Variants in MCUB observed in about 807,000 individuals in gnomAD.
MCUB encodes calcium uniporter regulatory subunit MCUb, mitochondrial.
In MCUB, 46 loss-of-function variants were observed where a neutral mutation model predicts 41.4. The observed-to-expected ratio is 1.11, with a 90% CI of 0.88 to 1.42. MCUB has a LOEUF of 1.42. Among genes scored for constraint, MCUB ranks in the 40% most tolerant of loss-of-function variants. The pLI is 0.00. For missense variants in MCUB, 403 were observed against 404.9 expected (o/e 1.00, Z 0.04); for synonymous variants, 148 against 148.2 (o/e 1.00, Z 0.01).
intron 1 of MCUB, among the ~76,000 whole-genome samples, chr4:109,652,748 G>A (rs1036148215): frequency 2.0e-5 from 3 of 152,154 alleles, no homozygotes; most frequent in African/African-American, 4.8e-5. Flanking sequence ...ATGGACTCTG[G>A]GGGACACAAT....
chr4:109,611,373 T>C (rs1728004057), intron 1 of MCUB, among the ~76,000 whole-genome samples: 1 of 152,230 alleles, frequency 6.6e-6, no homozygotes, highest in Admixed American at 6.5e-5. Flanking sequence ...GACAAATGGC[T>C]ATAGAGCTAA....
At chr4:109,631,750 A>G (rs1430643814) in intron 1 of MCUB, among the ~76,000 whole-genome samples, 2 of 152,186 alleles carry the variant, frequency 1.3e-5, no homozygotes, top group African/African-American at 4.8e-5. Context: ...TGGTGGCAAC[A>G]GTAGATCGGT....
intron 1 of MCUB, among the ~76,000 whole-genome samples, chr4:109,621,147 C>T (rs1173244420): frequency 2.0e-5 from 3 of 152,164 alleles, no homozygotes; most frequent in African/African-American, 4.8e-5. Flanking sequence ...GATCCACCTG[C>T]CTTGCCCTCC....
intron 4 of MCUB, among the ~76,000 whole-genome samples, chr4:109,667,758 T>C (rs1420661052): frequency 1.3e-5 from 2 of 151,464 alleles, no homozygotes; most frequent in Admixed American, 1.3e-4. Flanking sequence ...ATCTTATAGA[T>C]GTTTATTCTT....
intron 5 of MCUB, among the ~76,000 whole-genome samples, chr4:109,683,486 A>G (rs1729763373): frequency 6.6e-6 from 1 of 152,192 alleles, no homozygotes; most frequent in African/African-American, 2.4e-5. Context: ...TTAAAATTTT[A>G]AAATCTAAAG....
chr4:109,618,974 C>G (rs1042413241), intron 1 of MCUB, among the ~76,000 whole-genome samples: 2 of 150,796 alleles, frequency 1.3e-5, no homozygotes, highest in African/African-American at 2.4e-5. Context: ...CTCTCTCTCT[C>G]TCTCTCTCTC....
intron 1 of MCUB, among the ~76,000 whole-genome samples, chr4:109,566,368 G>A (rs866775610): frequency 6.6e-6 from 1 of 151,498 alleles, no homozygotes; most frequent in Admixed American, 6.6e-5. Flanking sequence ...TACTCGGGAG[G>A]CTGAGGCAGG....
chr4:109,681,568 C>T (rs1201309034), intron 4 of MCUB: 3 of 396,040 alleles, frequency 7.6e-6, no homozygotes, highest in Non-Finnish European at 1.5e-5. Flanking sequence ...AATCTTGGGC[C>T]ATGCAGTGTT....
intron 1 of MCUB, among the ~76,000 whole-genome samples, chr4:109,629,397 C>T (rs1728426839): frequency 1.3e-5 from 2 of 152,082 alleles, no homozygotes; most frequent in Admixed American, 1.3e-4. Context: ...CTTCTGTGAC[C>T]CCTAGTCACC....
rs772931200 is a variant in MCUB, at chr4:109,660,344, A to T, written c.325A>T (p.Thr109Ser). ...DLQNEDKGIK[T>S]AAIFTADGNM... ...ACAAAATGAAGATAAGGGTATCAAA[A>T]CTGCAGCCATCTTCACAGCAGGTAT... Residue 109 changes from threonine (T) to serine (S), a missense_variant, in exon 3 of 8, where the codon ACT becomes TCT. Coordinates refer to ENST00000394650, the MANE Select transcript of MCUB (RefSeq NM_017918.5). 1.3e-5 allele frequency: 21 copies of T among 1,605,360 alleles called. No individual in the cohort carries two copies. In the African/African-American group the frequency reaches 2.5e-4, roughly 19 times the overall value.
At chr4:109,655,959 A>C (rs1222757699) in intron 1 of MCUB, among the ~76,000 whole-genome samples, 3 of 152,198 alleles carry the variant, frequency 2.0e-5, no homozygotes, top group Non-Finnish European at 4.4e-5. Flanking sequence ...TTAGGCAAGC[A>C]AAAGCTTGAG....
intron 1 of MCUB, among the ~76,000 whole-genome samples, chr4:109,597,139 C>T (rs1727576562): frequency 6.6e-6 from 1 of 151,824 alleles, no homozygotes; most frequent in African/African-American, 2.4e-5. Flanking sequence ...CTTCTTTCTA[C>T]ACAGACACGG....
intron 1 of MCUB, among the ~76,000 whole-genome samples, chr4:109,605,498 T>C (rs776568417): frequency 6.6e-6 from 1 of 152,220 alleles, no homozygotes; most frequent in Non-Finnish European, 1.5e-5. Flanking sequence ...AGATTGTGTA[T>C]TCTATAGCCG....
chr4:109,639,899 C>T (rs564247132), intron 1 of MCUB, among the ~76,000 whole-genome samples: 8 of 152,266 alleles, frequency 5.3e-5, no homozygotes, highest in South Asian at 4.1e-4. Context: ...GCGTTATTAG[C>T]CTGTCCTTTG....
intron 1 of MCUB, among the ~76,000 whole-genome samples, chr4:109,652,618 C>T (rs183865244): frequency 6.6e-6 from 1 of 152,226 alleles, no homozygotes; most frequent in Admixed American, 6.5e-5. Flanking sequence ...AACCCGCAGC[C>T]TCAGGCCCTT....
intron 4 of MCUB, among the ~76,000 whole-genome samples, chr4:109,668,381 T>C (rs556953088): frequency 6.6e-6 from 1 of 152,266 alleles, no homozygotes; most frequent in South Asian, 2.1e-4. Flanking sequence ...TTTATTATTA[T>C]GTAATGTCTC....
intron 1 of MCUB, among the ~76,000 whole-genome samples, chr4:109,566,387 A>T (rs1048998135): frequency 2.0e-5 from 3 of 151,074 alleles, no homozygotes; most frequent in African/African-American, 7.3e-5. Context: ...GGAGAATGAC[A>T]TGAACCCGGG....
chr4:109,643,999 C>T (rs1050223659), intron 1 of MCUB, among the ~76,000 whole-genome samples: 1 of 151,970 alleles, frequency 6.6e-6, no homozygotes, highest in Non-Finnish European at 1.5e-5. Flanking sequence ...CCTCGCTGAA[C>T]CTATTCTGGT....
chr4:109,599,918 C>T (rs1727688673), intron 1 of MCUB, among the ~76,000 whole-genome samples: 1 of 152,194 alleles, frequency 6.6e-6, no homozygotes, highest in Non-Finnish European at 1.5e-5. Flanking sequence ...AGTCCGCTCA[C>T]CTCAGCCTCT....
Sources: allele counts gnomAD v4.1 joint callset (sites outside exome capture counted in the v4.1 genomes callset), GRCh38; gene constraint gnomAD v4.1.1; transcripts MANE v1.5; gene names NCBI Gene and HGNC (gene_info 2026-07-23, HGNC 2026-07-21).